The following GPR78 variants were observed in gnomAD, a reference collection of about 807,000 sequenced individuals.
The protein encoded by GPR78 is G protein-coupled receptor 78.
In GPR78, 29 loss-of-function variants were observed where a neutral mutation model predicts 17.9. That is an observed-to-expected ratio of 1.62 (90% CI 1.20 to 2.21). GPR78 has a LOEUF of 2.21. GPR78 is among the 30% of genes most tolerant of loss of function. GPR78 has a pLI of 0.00. For synonymous variants in GPR78, 349 were observed against 256.9 expected (o/e 1.36, Z -3.43); for missense variants, 649 against 530.5 (o/e 1.22, Z -2.19).
intron 2 of GPR78, among the ~76,000 whole-genome samples, chr4:8,585,913 G>A (rs1043468849): frequency 1.2e-3 from 179 of 152,302 alleles, no homozygotes; most frequent in African/African-American, 4.2e-3. Flanking sequence ...GAGTGACCCA[G>A]CCAAACTTGT....
chr4:8,583,815 C>T (rs1482566990), intron 2 of GPR78, among the ~76,000 whole-genome samples: 2 of 152,192 alleles, frequency 1.3e-5, no homozygotes, highest in African/African-American at 4.8e-5. Flanking sequence ...AGAATCAGCA[C>T]GTGGGACAGG....
intron 2 of GPR78, chr4:8,582,902 A>G: frequency 7.5e-6 from 3 of 398,566 alleles, no homozygotes; most frequent in Non-Finnish European, 1.4e-5. Context: ...GGGGTCTGTG[A>G]ATCAGCACCT....
rs1158901282 is a variant in GPR78 at position 8,581,495 on chromosome 4, C to G, written c.513C>G (p.Ala171=). Residue 171 remains alanine (A), a synonymous_variant, in exon 1 of 3, where the codon GCC becomes GCG. Coordinates refer to ENST00000382487, the MANE Select transcript of GPR78 (RefSeq NM_080819.5). ...PPEPERPRFA[A]FTATLHAVGF... ...AGCCTGAGCGTCCGCGCTTCGCAGC[C>G]TTCACCGCCACGCTCCATGCCGTGG... The G allele has an allele frequency of 1.9e-6, 3 of 1,592,338 alleles. No individual in the cohort carries two copies. The highest frequency in any genetic ancestry group is 2.5e-6 in the Non-Finnish European group (3 of 1,177,052).
At chr4:8,581,827 T>C in intron 1 of GPR78, among the ~76,000 whole-genome samples, 177 bp downstream of exon 1, 1 of 151,156 alleles carries the variant, frequency 6.6e-6, no homozygotes, top group East Asian at 2.0e-4. Flanking sequence ...GTGCAGACAC[T>C]GCGGGGGCCT....
chr4:8,585,738 G>C (rs4696851), intron 2 of GPR78, among the ~76,000 whole-genome samples: 85,500 of 151,788 alleles, frequency 0.56, 24,597 homozygotes, highest in African/African-American at 0.68. Context: ...TCTCTCTGTC[G>C]TCACATTCTG....
Position 8,580,793 on chromosome 4 carries a change from TC to T in GPR78, c.-184del, listed in dbSNP as rs1713240412. 1.8e-5 allele frequency: 11 copies of T among 610,994 alleles called. No homozygotes were observed. Among genetic ancestry groups the T allele is most frequent in the South Asian group, 4.3e-5 (2 of 46,206 alleles). The allele number at this position is 610,994 out of a possible 1,614,324, so 37.8% of individuals were successfully genotyped here. On this transcript the variant is annotated 5_prime_UTR_variant, in exon 1 of 3. Coordinates refer to ENST00000382487, the MANE Select transcript of GPR78 (RefSeq NM_080819.5). The stretch of plus-strand genomic sequence containing the variant: ...GCTCCTGCTCCGCAGAGCTACGCCC[TC>T]CCCCCGGGTGCCCCGGACCCTGCAC...
intron 2 of GPR78, among the ~76,000 whole-genome samples, chr4:8,584,897 A>AATT: frequency 6.6e-6 from 1 of 152,336 alleles, no homozygotes; most frequent in South Asian, 2.1e-4. Flanking sequence ...TTCTCCTGGG[A>AATT]ATTGTTTTCA....
Position 8,581,535 on chromosome 4 carries a change from C to G in GPR78, c.553C>G (p.Leu185Val), listed in dbSNP as rs759118236. The G allele has an allele frequency of 1.3e-6, 2 of 1,587,950 alleles. No homozygotes were observed. The highest frequency in any genetic ancestry group is 1.7e-6 in the Non-Finnish European group (2 of 1,175,158). Residue 185 changes from leucine to valine, a missense_variant, in exon 1 of 3, where the codon CTG becomes GTG. Leu to Val is a conservative substitution (Grantham distance 32). Coordinates refer to ENST00000382487, the MANE Select transcript of GPR78 (RefSeq NM_080819.5). ...CCATGCCGTGGGCTTCGTGCTGCCG[C>G]TGGCGGTGCTCTGCCTCACCTCGCT... ...TLHAVGFVLP[L>V]AVLCLTSLQV...
chr4:8,587,264 C>A lies in GPR78; in HGVS notation c.993C>A (p.Gly331=). 1 of 1,598,104 alleles carries A rather than the reference C, an allele frequency of 6.3e-7. No individual in the cohort carries two copies. Among genetic ancestry groups the A allele is most frequent in the Non-Finnish European group, 8.6e-7 (1 of 1,169,298 alleles). ...ATGACAGCTCTCTGGATGTGGCCGGCATGGTGCACCAGCTGCTGAAGAGAA... is the reference window on the plus strand; with the variant it reads ...ATGACAGCTCTCTGGATGTGGCCGGAATGGTGCACCAGCTGCTGAAGAGAA... ...STHDSSLDVA[G]MVHQLLKRTP... The change falls in exon 3 of 3, where the codon GGC becomes GGA. Residue 331 remains glycine, a synonymous_variant. Coordinates refer to ENST00000382487, the MANE Select transcript of GPR78 (RefSeq NM_080819.5).
rs756563522 is a variant in GPR78, at chr4:8,581,441, C to T, written c.459C>T (p.Phe153=). ...GCSWLGYSSA[F]ASCSLRLPPE... Reference sequence around the variant, plus strand: ...CGTGGCTTGGCTACAGCAGCGCCTTCGCGTCCTGTTCGCTGCGCCTGCCGC... The same window carrying T: ...CGTGGCTTGGCTACAGCAGCGCCTTTGCGTCCTGTTCGCTGCGCCTGCCGC... Residue 153 remains phenylalanine (F), a synonymous_variant, in exon 1 of 3, where the codon TTC becomes TTT. Coordinates refer to ENST00000382487, the MANE Select transcript of GPR78 (RefSeq NM_080819.5). The T allele has an allele frequency of 2.5e-6, 4 of 1,590,624 alleles. No homozygotes were observed. The highest frequency in any genetic ancestry group is 1.1e-5 in the South Asian group (1 of 89,684).
rs4385041 is a variant in GPR78, at chr4:8,580,479, C to G, written c.-504C>G. On this transcript the variant is annotated 5_prime_UTR_variant, in exon 1 of 3. Transcript: ENST00000382487. ...GCTGCCTAGGATCCACTGAGTGGCT[C>G]TTGCTGGCGTGTCAGCTGCGCGCGA... The G allele has an allele frequency of 0.42, 65,382 of 155,752 alleles. 14,878 individuals carry two copies. Among genetic ancestry groups the G allele is most frequent in the African/African-American group, 0.58 (24,094 of 41,604 alleles). 9.6% of individuals were successfully genotyped at this position (155,752 alleles called of 1,614,324 possible). A position where few individuals can be genotyped will look rare whatever the true frequency, so the allele number is the denominator to read the frequency against.
In GPR78 at chr4:8,587,287, G is replaced by C; in HGVS notation, c.1016G>C (p.Arg339Thr). 1 of 1,611,144 alleles carries C rather than the reference G, an allele frequency of 6.2e-7. No homozygotes were observed. Among genetic ancestry groups the C allele is most frequent in the Non-Finnish European group, 8.5e-7 (1 of 1,178,344 alleles). The change falls in exon 3 of 3, where the codon AGA becomes ACA. Residue 339 changes from arginine (R) to threonine (T), a missense_variant. Transcript: ENST00000382487. ...VAGMVHQLLK[R>T]TPRPASTHNG... ...GGCATGGTGCACCAGCTGCTGAAGA[G>C]AACCCCGCGCCCAGCGTCCACCCAC...
intron 2 of GPR78, among the ~76,000 whole-genome samples, chr4:8,586,714 G>C (rs1180192030): frequency 6.6e-6 from 1 of 152,212 alleles, no homozygotes; most frequent in East Asian, 1.9e-4. Context: ...GTGTGTGCAG[G>C]TGTCCGCGGC....
chr4:8,580,797 C>G lies in GPR78; in HGVS notation c.-186C>G, dbSNP rs914602974. 2.4e-5 allele frequency: 15 copies of G among 624,120 alleles called. 1 individual carries two copies. The highest frequency in any genetic ancestry group is 1.5e-4 in the African/African-American group (8 of 52,388). 38.7% of individuals were successfully genotyped at this position (624,120 alleles called of 1,614,324 possible). On this transcript the variant is annotated 5_prime_UTR_variant, in exon 1 of 3. Transcript: ENST00000382487. Reference sequence around the variant, plus strand: ...CTGCTCCGCAGAGCTACGCCCTCCCCCCGGGTGCCCCGGACCCTGCACTTG... The same window carrying G: ...CTGCTCCGCAGAGCTACGCCCTCCCGCCGGGTGCCCCGGACCCTGCACTTG...
rs1184796262 is a variant in GPR78, at chr4:8,581,091, C to T, written c.109C>T (p.Arg37Cys). 18 of 1,605,978 alleles carry T rather than the reference C, an allele frequency of 1.1e-5. No individual in the cohort carries two copies. The highest frequency in any genetic ancestry group is 1.7e-5 in the Admixed American group (1 of 59,850). The stretch of plus-strand genomic sequence containing the variant: ...TTGTTGCGCCTACAGCGCTGAGCTC[C>T]GCACTCGAGCCTCAGGCGTCCTCCT... ...LLCCAYSAELRTRASGVLLVN... is the reference protein window; with the variant it reads ...LLCCAYSAELCTRASGVLLVN... Residue 37 changes from arginine (R) to cysteine (C), a missense_variant, in exon 1 of 3, where the codon CGC becomes TGC. Transcript: ENST00000382487.
chr4:8,580,817 C>T lies in GPR78; in HGVS notation c.-166C>T. On this transcript the variant is annotated 5_prime_UTR_variant, in exon 1 of 3. Transcript: ENST00000382487. The stretch of plus-strand genomic sequence containing the variant: ...CTCCCCCCGGGTGCCCCGGACCCTG[C>T]ACTTGCCGCCGCTTTCCTCGCGCTG... 1.4e-6 allele frequency: 1 copy of T among 702,254 alleles called. No homozygotes were observed. Among genetic ancestry groups the T allele is most frequent in the Non-Finnish European group, 2.3e-6 (1 of 437,742 alleles). 43.5% of individuals were successfully genotyped at this position (702,254 alleles called of 1,614,324 possible).
chr4:8,587,439 C>T lies in GPR78; in HGVS notation c.*76C>T. 1 of 1,433,914 alleles carries T rather than the reference C, an allele frequency of 7.0e-7. No homozygotes were observed. Among genetic ancestry groups the T allele is most frequent in the Non-Finnish European group, 9.5e-7 (1 of 1,047,410 alleles). 88.8% of individuals were successfully genotyped at this position (1,433,914 alleles called of 1,614,324 possible). ...GGCACTGGCCCTGCCACAGAGATGC[C>T]ACTGGGGACCCCCAGACACCAGTGG... On this transcript the variant is annotated 3_prime_UTR_variant, in exon 3 of 3. Coordinates refer to ENST00000382487, the MANE Select transcript of GPR78 (RefSeq NM_080819.5).
intron 2 of GPR78, among the ~76,000 whole-genome samples, chr4:8,583,364 C>T (rs914158645): frequency 3.3e-5 from 5 of 149,900 alleles, no homozygotes; most frequent in Middle Eastern, 3.2e-3. Flanking sequence ...CTTGCTATTA[C>T]GTTTTGCCTT....
chr4:8,582,400 T>C, intron 1 of GPR78, 131 bp from the exon 2 acceptor site: 2 of 632,696 alleles, frequency 3.2e-6, no homozygotes, highest in Non-Finnish European at 5.7e-6. Flanking sequence ...CATCCCTCTG[T>C]CCTCCTCAGG....
Sources: gnomAD v4.1 joint callset for allele counts (sites outside exome capture counted in the v4.1 genomes callset) on GRCh38, gnomAD v4.1.1 for gene constraint, MANE v1.5 for transcripts, NCBI Gene and HGNC (gene_info 2026-07-23, HGNC 2026-07-21) for gene names.